GAS7: variants seen among roughly 807,000 people sequenced by gnomAD.
GAS7 encodes the protein growth arrest-specific protein 7.
In GAS7, 28 loss-of-function variants were observed where a neutral mutation model predicts 71.1. The observed-to-expected ratio is 0.39, with a 90% CI of 0.29 to 0.54. The LOEUF is 0.54. Ranked by LOEUF, GAS7 falls within the 20% of genes least tolerant of loss-of-function variation. The pLI is 0.62. For synonymous variants in GAS7, 258 were observed against 245.8 expected (o/e 1.05, Z -0.46); for missense variants, 436 against 627.8 (o/e 0.69, Z 3.27).
At chr17:10,149,976 C>CT (rs2074151145) in intron 1 of GAS7, among the ~76,000 whole-genome samples, 1 of 151,946 alleles carries the variant, frequency 6.6e-6, no homozygotes, top group South Asian at 2.1e-4. Context: ...GGAGTGACAG[C>CT]TAACAGGGAA....
Position 9,926,874 on chromosome 17 carries a change from G to C in GAS7, c.886-105C>G. On this transcript the variant is annotated intron_variant, in intron 9 of 13. Transcript: ENST00000432992. The surrounding 1 kb of genome is among the most constrained non-coding windows in gnomAD (Gnocchi z 5.0). The stretch of plus-strand genomic sequence containing the variant: ...CACCCCCACTTCCCCAGGCAAGTGA[G>C]GATGAGTCTGGGGTAGCGACCTGGC... The C allele has an allele frequency of 8.0e-7, 1 of 1,250,890 alleles. No individual in the cohort carries two copies. Among genetic ancestry groups the C allele is most frequent in the Non-Finnish European group, 1.2e-6 (1 of 859,084 alleles). The allele number at this position is 1,250,890 out of a possible 1,614,324, so 77.5% of individuals were successfully genotyped here.
intron 1 of GAS7, among the ~76,000 whole-genome samples, chr17:10,144,521 C>A (rs1033602719): frequency 2.0e-5 from 3 of 152,092 alleles, no homozygotes; most frequent in Non-Finnish European, 2.9e-5. Context: ...TTACACAAAT[C>A]CTTTTCTGTG....
At chr17:10,001,453 G>A (rs1208490143) in intron 2 of GAS7, among the ~76,000 whole-genome samples, 1 of 152,198 alleles carries the variant, frequency 6.6e-6, no homozygotes, top group Admixed American at 6.5e-5. Flanking sequence ...AACTTGATGA[G>A]GTGTCGTCTC....
chr17:10,159,624 C>T (rs1262444093), intron 1 of GAS7, among the ~76,000 whole-genome samples: 2 of 152,138 alleles, frequency 1.3e-5, no homozygotes, highest in East Asian at 3.9e-4. Context: ...AAAATTATTA[C>T]ACAATCTAGA....
At chr17:10,008,307 C>T (rs942965086) in intron 2 of GAS7, among the ~76,000 whole-genome samples, 1 of 152,202 alleles carries the variant, frequency 6.6e-6, no homozygotes, top group Non-Finnish European at 1.5e-5. Context: ...CTATTCTACA[C>T]ATTTGTTTTT....
At chr17:10,027,789 T>C (rs1167737932) in intron 1 of GAS7, among the ~76,000 whole-genome samples, 1 of 152,154 alleles carries the variant, frequency 6.6e-6, no homozygotes, top group Non-Finnish European at 1.5e-5. Flanking sequence ...TCCCAGCTAC[T>C]CAGGAGGTTT....
intron 1 of GAS7, among the ~76,000 whole-genome samples, chr17:10,178,702 CTTTTTTTTTTTTTT>C (rs397857157): frequency 1.6e-3 from 54 of 34,590 alleles, no homozygotes; most frequent in Middle Eastern, 0.031. Context: ...CCCCCACCAC[CTTTTTTTTTTTTTT>C]TTTTTTTTTT....
intron 1 of GAS7, among the ~76,000 whole-genome samples, chr17:10,108,261 GAAA>G (rs2073778751): frequency 1.3e-5 from 2 of 152,232 alleles, no homozygotes; most frequent in African/African-American, 4.8e-5. Context: ...TAACCCAAAA[GAAA>G]GGGCCTTGGT....
intron 2 of GAS7, among the ~76,000 whole-genome samples, chr17:10,007,563 T>C (rs983587812): frequency 6.9e-6 from 1 of 144,010 alleles, no homozygotes; most frequent in Admixed American, 7.1e-5. Flanking sequence ...GAGGCAGAGG[T>C]TGCAGTGAGC....
At chr17:10,086,581 T>A (rs1483523343) in intron 1 of GAS7, among the ~76,000 whole-genome samples, 2 of 152,096 alleles carry the variant, frequency 1.3e-5, no homozygotes, top group Non-Finnish European at 2.9e-5. Flanking sequence ...AAACATGGCA[T>A]GAAAAGGGAA....
At position 9,915,561 on chromosome 17, in the gene GAS7, T is replaced by C; in HGVS notation, c.*1667A>G. 1 of 225,538 alleles carries C rather than the reference T, an allele frequency of 4.4e-6. No homozygotes were observed. The highest frequency in any genetic ancestry group is 8.8e-6 in the Non-Finnish European group (1 of 113,148). 14.0% of individuals were successfully genotyped at this position (225,538 alleles called of 1,614,324 possible). A position where few individuals can be genotyped will look rare whatever the true frequency, so the allele number is the denominator to read the frequency against. ...AGTGACAACGTTTGGTTTACTTTAG[T>C]ATATTAGGCATTTTTCTAATGTGAA... On this transcript the variant is annotated 3_prime_UTR_variant, in exon 14 of 14. Coordinates refer to ENST00000432992, the MANE Select transcript of GAS7 (RefSeq NM_201433.2).
In GAS7 at chr17:10,027,435, G is replaced by GA. The variant is rs1486349260; in HGVS notation, c.184-7539dup. On this transcript the variant is annotated intron_variant, in intron 1 of 13. Transcript: ENST00000432992. Reference sequence around the variant, plus strand: ...TATTGAATGGACTCTGCTATGGTTTGAATGTGTCCCCTCCAAAACTCAGGC... The same window carrying GA: ...TATTGAATGGACTCTGCTATGGTTTGAAATGTGTCCCCTCCAAAACTCAGGC... 3.3e-5 allele frequency among the ~76,000 whole-genome samples: 5 copies of GA among 152,324 alleles called. No homozygotes were observed. In the East Asian group the frequency reaches 9.6e-4, roughly 29 times the overall value.
intron 1 of GAS7, among the ~76,000 whole-genome samples, chr17:10,021,164 A>AAG (rs2072252067): frequency 6.6e-6 from 1 of 152,210 alleles, no homozygotes; most frequent in Non-Finnish European, 1.5e-5. Context: ...TAGCCATACG[A>AAG]AGAGAGTAGC....
rs994901348 is a variant in GAS7 at position 9,912,914 on chromosome 17, T to C, written c.*4314A>G. 1 of 232,914 alleles carries C rather than the reference T, an allele frequency of 4.3e-6. No homozygotes were observed. Among genetic ancestry groups the C allele is most frequent in the Non-Finnish European group, 8.5e-6 (1 of 117,908 alleles). 14.4% of individuals were successfully genotyped at this position (232,914 alleles called of 1,614,324 possible). A position where few individuals can be genotyped will look rare whatever the true frequency, so the allele number is the denominator to read the frequency against. On this transcript the variant is annotated 3_prime_UTR_variant, in exon 14 of 14. Coordinates refer to ENST00000432992, the MANE Select transcript of GAS7 (RefSeq NM_201433.2). ...ACAAACCACACGCACACATCATGAA[T>C]GACTCAAAAGCATTAAGCTGAGGGA...
chr17:9,924,000 T>C (rs1220042755), intron 11 of GAS7, among the ~76,000 whole-genome samples: 1 of 152,196 alleles, frequency 6.6e-6, no homozygotes, highest in Non-Finnish European at 1.5e-5. Flanking sequence ...GAAAAAGAGG[T>C]ATTTCCAAGA....
At chr17:10,044,333 A>C (rs1160224620) in intron 1 of GAS7, among the ~76,000 whole-genome samples, 1 of 152,208 alleles carries the variant, frequency 6.6e-6, no homozygotes, top group Non-Finnish European at 1.5e-5. Flanking sequence ...TGCTCTCAAC[A>C]CCTGAGCTCA....
chr17:10,179,187 G>A (rs1031326611), intron 1 of GAS7, among the ~76,000 whole-genome samples: 1 of 151,996 alleles, frequency 6.6e-6, no homozygotes, highest in African/African-American at 2.4e-5. Context: ...AAATTAGCCG[G>A]GCGTGGTGGT....
chr17:10,145,511 C>T (rs559936162), intron 1 of GAS7, among the ~76,000 whole-genome samples: 2 of 152,350 alleles, frequency 1.3e-5, no homozygotes, highest in African/African-American at 4.8e-5. Context: ...GAACCAGGCC[C>T]TGGTGGCCTG....
chr17:10,184,864 C>T (rs2074440219), intron 1 of GAS7, among the ~76,000 whole-genome samples: 1 of 151,918 alleles, frequency 6.6e-6, no homozygotes, highest in Non-Finnish European at 1.5e-5. Context: ...TTGAGCCCCA[C>T]CTGCTGACCT....
Sources: gnomAD v4.1 joint callset for allele counts (sites outside exome capture counted in the v4.1 genomes callset) on GRCh38, gnomAD v4.1.1 for gene constraint, Gnocchi (gnomAD v3.1) non-coding constraint, MANE v1.5 for transcripts, NCBI Gene and HGNC (gene_info 2026-07-23, HGNC 2026-07-21) for gene names.